Variants in HOXD11 observed in about 807,000 individuals in gnomAD.
HOXD11 encodes homeobox protein Hox-D11.
HOXD11 carries 16 observed loss-of-function variants against 23.1 expected under a neutral mutation model. That is an observed-to-expected ratio of 0.69 (90% CI 0.47 to 1.05). The LOEUF is 1.05. Ranked by LOEUF, HOXD11 falls within the 50% of genes least tolerant of loss-of-function variation. The pLI is 0.00. For missense variants in HOXD11, 564 were observed against 495.6 expected (o/e 1.14, Z -1.31); for synonymous variants, 262 against 224.4 (o/e 1.17, Z -1.50).
Position 176,107,625 on chromosome 2 carries a change from GGGCGGCCCCGGCGGGGGCGGC to G in HOXD11, c.277_297del (p.Pro93_Gly99del). The G allele has an allele frequency of 9.8e-7, 1 of 1,017,524 alleles. No individual in the cohort carries two copies. Among genetic ancestry groups the G allele is most frequent in the Non-Finnish European group, 1.2e-6 (1 of 845,014 alleles). The allele number at this position is 1,017,524 out of a possible 1,614,324, so 63.0% of individuals were successfully genotyped here. ...GCAGCGCGGGGGGCGGCAGCAGCGGGGGCGGCCCCGGCGGGGGCGGCGGCGGCGCGGGGGGCTACGCTCCCT... is the reference window on the plus strand; with the variant it reads ...GCAGCGCGGGGGGCGGCAGCAGCGGGGGCGGCGCGGGGGGCTACGCTCCCT... On this transcript the variant is annotated inframe_deletion, in exon 1 of 2. Coordinates refer to ENST00000249504, the MANE Select transcript of HOXD11 (RefSeq NM_021192.3).
downstream of HOXD11, among the ~76,000 whole-genome samples, chr2:176,111,843 A>AAAAAC (rs1689679562): frequency 2.0e-5 from 3 of 148,094 alleles, no homozygotes; most frequent in African/African-American, 7.6e-5. Context: ...AAAAAAAAAA[A>AAAAAC]AAAAAACCTT....
downstream of HOXD11, among the ~76,000 whole-genome samples, chr2:176,111,842 A>AC (rs1689679369): frequency 6.7e-6 from 1 of 148,954 alleles, no homozygotes. Flanking sequence ...AAAAAAAAAA[A>AC]AAAAAAACCT....
At chr2:176,110,227 A>G (rs1290407024), downstream of HOXD11, among the ~76,000 whole-genome samples, 2 of 152,216 alleles carry the variant, frequency 1.3e-5, no homozygotes, top group African/African-American at 4.8e-5. Flanking sequence ...GCTTCAAGTT[A>G]AAGAATGTGG....
downstream of HOXD11, among the ~76,000 whole-genome samples, chr2:176,114,506 A>G (rs1042392469): frequency 3.3e-5 from 5 of 152,124 alleles, no homozygotes; most frequent in Admixed American, 1.3e-4. Context: ...GTAAAGGTTT[A>G]AAAGGTCTGT....
At chr2:176,108,439 T>G (rs1367439590) in intron 1 of HOXD11, among the ~76,000 whole-genome samples, 3 of 149,706 alleles carry the variant, frequency 2.0e-5, no homozygotes, top group Non-Finnish European at 4.5e-5. Context: ...CAAGCCAGTG[T>G]GAGTGCATAC....
At chr2:176,108,826 C>A in intron 1 of HOXD11, 81 bp from the exon 2 acceptor site, 1 of 953,612 alleles carries the variant, frequency 1.0e-6, no homozygotes, top group Non-Finnish European at 1.6e-6. Flanking sequence ...GCCTGGCCCT[C>A]GCTCAGTGGC....
Position 176,107,688 on chromosome 2 carries a change from GGCGGCGGCTGCGGCGGCC to G in HOXD11, c.342_359del (p.Ala115_Ala120del), listed in dbSNP as rs1574949148. On this transcript the variant is annotated inframe_deletion, in exon 1 of 2. Transcript: ENST00000249504. ...ACGCTCCCTACTACGCGGCGGCGGC[GGCGGCGGCTGCGGCGGCC>G]GCGGCGGCCGAGGAGGCGGCCATGC... The G allele has an allele frequency of 7.0e-6, 7 of 998,770 alleles. No individual in the cohort carries two copies. Among genetic ancestry groups the G allele is most frequent in the Non-Finnish European group, 8.3e-6 (7 of 841,636 alleles). The allele number at this position is 998,770 out of a possible 1,614,324, so 61.9% of individuals were successfully genotyped here. A position where few individuals can be genotyped will look rare whatever the true frequency, so the allele number is the denominator to read the frequency against.
downstream of HOXD11, among the ~76,000 whole-genome samples, chr2:176,112,024 C>T (rs1183234935): frequency 6.6e-6 from 1 of 152,104 alleles, no homozygotes; most frequent in Non-Finnish European, 1.5e-5. Flanking sequence ...GCGCGGCTAC[C>T]AGTGGCGACC....
the HOXD11 span, among the ~76,000 whole-genome samples, chr2:176,115,160 G>C: frequency 2.0e-5 from 3 of 152,180 alleles, no homozygotes; most frequent in African/African-American, 7.2e-5. Flanking sequence ...TGGTGGTAGT[G>C]GTGGTAGTGG....
In HOXD11 at chr2:176,107,623, G is replaced by C. The variant is rs986767698; in HGVS notation, c.268G>C (p.Gly90Arg). 1 of 1,068,910 alleles carries C rather than the reference G, an allele frequency of 9.4e-7. No individual in the cohort carries two copies. The highest frequency in any genetic ancestry group is 1.1e-6 in the Non-Finnish European group (1 of 876,226). 66.2% of individuals were successfully genotyped at this position (1,068,910 alleles called of 1,614,324 possible). ...GGGSAGGGSS[G>R]GGPGGGGGGA... is the part of the protein sequence containing the mutation. ...CGGCAGCGCGGGGGGCGGCAGCAGC[G>C]GGGGCGGCCCCGGCGGGGGCGGCGG... The change falls in exon 1 of 2, where the codon GGG becomes CGG. Residue 90 changes from glycine (G) to arginine (R), a missense_variant. By Grantham distance (125) the Gly-to-Arg change is moderately radical. Coordinates refer to ENST00000249504, the MANE Select transcript of HOXD11 (RefSeq NM_021192.3).
chr2:176,112,831 C>T (rs1011633297), downstream of HOXD11, among the ~76,000 whole-genome samples: 8 of 152,214 alleles, frequency 5.3e-5, no homozygotes, highest in African/African-American at 1.7e-4. Flanking sequence ...TTCCTTTCCT[C>T]CCTGCGCCCA....
downstream of HOXD11, among the ~76,000 whole-genome samples, chr2:176,112,330 T>G (rs932869863): frequency 2.0e-5 from 3 of 151,998 alleles, no homozygotes; most frequent in African/African-American, 7.2e-5. Context: ...CCGTTCGGAG[T>G]TCACAAGAGA....
downstream of HOXD11, among the ~76,000 whole-genome samples, chr2:176,113,650 T>C (rs1301464150): frequency 2.0e-5 from 3 of 152,238 alleles, no homozygotes; most frequent in African/African-American, 7.2e-5. Context: ...TTTTGTATTA[T>C]TTCTATCTTG....
intron 1 of HOXD11, 22 bp from the exon 2 acceptor site, chr2:176,108,885 C>G (rs1689631524): frequency 3.2e-6 from 5 of 1,571,706 alleles, no homozygotes; most frequent in African/African-American, 1.4e-5. Flanking sequence ...CTCTCTCACC[C>G]CCTGGTCTCT....
chr2:176,111,236 C>A (rs886750096), downstream of HOXD11: 5 of 152,056 alleles, frequency 3.3e-5, no homozygotes, highest in Admixed American at 2.0e-4. Context: ...ATGTCAGTGC[C>A]CTAATAGTGT....
At chr2:176,112,780 T>A (rs1469699150), downstream of HOXD11, among the ~76,000 whole-genome samples, 1 of 152,246 alleles carries the variant, frequency 6.6e-6, no homozygotes. Flanking sequence ...TGGACTTGGC[T>A]GGCAGCCGCC....
downstream of HOXD11, among the ~76,000 whole-genome samples, chr2:176,110,833 G>A (rs931658167): frequency 2.0e-5 from 3 of 152,200 alleles, no homozygotes; most frequent in African/African-American, 7.2e-5. Context: ...CCCTGCAAAC[G>A]TTTGTGTAAT....
At chr2:176,113,205 C>A (rs1210178146), downstream of HOXD11, among the ~76,000 whole-genome samples, 1 of 152,132 alleles carries the variant, frequency 6.6e-6, no homozygotes, top group South Asian at 2.1e-4. Context: ...GCTCTGTCCC[C>A]AAAGAGTGAC....
At position 176,107,821 on chromosome 2, in the gene HOXD11, G is replaced by C. The variant is rs953860693; in HGVS notation, c.466G>C (p.Gly156Arg). The C allele has an allele frequency of 9.2e-6, 13 of 1,410,804 alleles. No individual in the cohort carries two copies. Among genetic ancestry groups the C allele is most frequent in the African/African-American group, 3.0e-5 (2 of 65,954 alleles). The allele number at this position is 1,410,804 out of a possible 1,614,324, so 87.4% of individuals were successfully genotyped here. A position where few individuals can be genotyped will look rare whatever the true frequency, so the allele number is the denominator to read the frequency against. The change falls in exon 1 of 2, where the codon GGC becomes CGC. Residue 156 changes from glycine to arginine, a missense_variant. Coordinates refer to ENST00000249504, the MANE Select transcript of HOXD11 (RefSeq NM_021192.3). ...GTGCGCTGCGCCGGGGCCGCCGCAC[G>C]GCCCCGCGGGCGCCGCCTCCAACTT... ...PVCAAPGPPH[G>R]PAGAASNFYS...
Sources: allele counts gnomAD v4.1 joint callset (sites outside exome capture counted in the v4.1 genomes callset), GRCh38; gene constraint gnomAD v4.1.1; transcripts MANE v1.5; gene names NCBI Gene and HGNC (gene_info 2026-07-23, HGNC 2026-07-21).